The following DNAJB6 variants were observed in gnomAD, a reference collection of about 807,000 sequenced individuals.
The protein encoded by DNAJB6 is dnaJ homolog subfamily B member 6.
A neutral mutation model predicts 42.7 loss-of-function variants in DNAJB6; 16 were observed. That is an observed-to-expected ratio of 0.37 (90% CI 0.25 to 0.57). DNAJB6 has a LOEUF of 0.57. Ranked by LOEUF, DNAJB6 falls within the 20% of genes least tolerant of loss-of-function variation. DNAJB6 has a pLI of 0.74. For synonymous variants in DNAJB6, 170 were observed against 163.5 expected (o/e 1.04, Z -0.30); for missense variants, 347 against 416.8 (o/e 0.83, Z 1.46).
At chr7:157,413,431 A>G (rs1286374744) in intron 9 of DNAJB6, 1 of 152,250 alleles carries the variant, frequency 6.6e-6, no homozygotes, top group Non-Finnish European at 1.5e-5. Flanking sequence ...CCCTGCCCTC[A>G]GCTTTCAACA....
At chr7:157,340,809 C>G (rs1467413498) in intron 1 of DNAJB6, among the ~76,000 whole-genome samples, 2 of 152,142 alleles carry the variant, frequency 1.3e-5, no homozygotes, top group Admixed American at 1.3e-4. Flanking sequence ...GCTGGGATGA[C>G]AGGCGCGTGT....
chr7:157,404,917 G>T lies in DNAJB6; in HGVS notation c.692-4878G>T, dbSNP rs182145310. 2.5e-3 allele frequency among the ~76,000 whole-genome samples: 387 copies of T among 152,370 alleles called. 3 individuals are homozygous for T. The highest frequency in any genetic ancestry group is 8.5e-3 in the African/African-American group (354 of 41,584). On this transcript the variant is annotated intron_variant, in intron 8 of 9. Transcript: ENST00000262177. ...GCCTCCCAAAGTGCTGGGATGACAGGTGTGAGCCACTGTGCCAGCCTGTGC... is the reference window on the plus strand; with the variant it reads ...GCCTCCCAAAGTGCTGGGATGACAGTTGTGAGCCACTGTGCCAGCCTGTGC...
chr7:157,368,278 T>C (rs1333492441), intron 5 of DNAJB6, among the ~76,000 whole-genome samples: 1 of 152,212 alleles, frequency 6.6e-6, no homozygotes, highest in East Asian at 1.9e-4. Flanking sequence ...GAGACAGTGG[T>C]AAGGGCATGG....
chr7:157,362,086 G>A (rs1799630205), intron 2 of DNAJB6, among the ~76,000 whole-genome samples: 1 of 151,944 alleles, frequency 6.6e-6, no homozygotes, highest in South Asian at 2.1e-4. Flanking sequence ...TATTTAAATA[G>A]CGTGCAATTA....
At chr7:157,378,028 G>GT (rs1800557821) in intron 5 of DNAJB6, 1 of 152,160 alleles carries the variant, frequency 6.6e-6, no homozygotes, top group Non-Finnish European at 1.5e-5. Context: ...TTACATAAGA[G>GT]GATAAGAGAG....
At chr7:157,369,117 C>CT (rs1799985682) in intron 5 of DNAJB6, 2 of 368,622 alleles carry the variant, frequency 5.4e-6, no homozygotes, top group Non-Finnish European at 1.1e-5. Context: ...GCTGAGCAGG[C>CT]GATTTCCGAT....
intron 5 of DNAJB6, 141 bp from the exon 6 acceptor site, chr7:157,382,105 G>A (rs1800810554): frequency 2.4e-6 from 2 of 841,178 alleles, no homozygotes; most frequent in South Asian, 4.2e-5. Flanking sequence ...TTACTCTGTA[G>A]ATAAGCTCTT....
intron 8 of DNAJB6, among the ~76,000 whole-genome samples, chr7:157,387,774 T>G (rs7796643): frequency 0.56 from 85,648 of 151,694 alleles, 24,418 homozygotes; most frequent in East Asian, 0.75. Flanking sequence ...GAATCTTTCT[T>G]GTGAAAATTT....
intron 1 of DNAJB6, chr7:157,337,434 G>A (rs1422246697): frequency 6.6e-6 from 1 of 152,310 alleles, no homozygotes; most frequent in Non-Finnish European, 1.5e-5. Context: ...CCGCGGCGGC[G>A]GTTGGGGGTG....
At chr7:157,394,328 T>C (rs949533412) in intron 8 of DNAJB6, among the ~76,000 whole-genome samples, 1 of 152,252 alleles carries the variant, frequency 6.6e-6, no homozygotes, top group Non-Finnish European at 1.5e-5. Context: ...ACTGGATTTT[T>C]TTCTATCTTG....
At position 157,366,518 on chromosome 7, in the gene DNAJB6, C is replaced by T. The variant is rs1799853169; in HGVS notation, c.192C>T (p.Ile64=). The T allele has an allele frequency of 3.1e-6, 5 of 1,613,858 alleles. No homozygotes were observed. Among genetic ancestry groups the T allele is most frequent in the South Asian group, 1.1e-5 (1 of 91,060 alleles). Residue 64 remains isoleucine (I), a synonymous_variant, in exon 4 of 10, where the codon ATC becomes ATT. Coordinates refer to ENST00000262177, the MANE Select transcript of DNAJB6 (RefSeq NM_058246.4). ...AATTTTTAGCTAAGAAACGGGACAT[C>T]TATGACAAATATGGCAAAGAAGGAT... The part of the protein sequence containing the change: ...EVLSDAKKRD[I]YDKYGKEGLN...
chr7:157,345,286 G>A (rs923952166), intron 1 of DNAJB6, among the ~76,000 whole-genome samples: 3 of 152,074 alleles, frequency 2.0e-5, no homozygotes, highest in Non-Finnish European at 2.9e-5. Context: ...GAGCCACTGC[G>A]CCTGGCTTAA....
Position 157,361,843 on chromosome 7 carries a change from A to G in DNAJB6, c.66-1318A>G, listed in dbSNP as rs183582458. ...GAGTTCAGTGGCACGATGTTGGCTC[A>G]CTGCAACCTCTTTCTCCTGGGTTCA... On this transcript the variant is annotated intron_variant, in intron 2 of 9. Transcript: ENST00000262177. 1.2e-4 allele frequency among the ~76,000 whole-genome samples: 18 copies of G among 152,268 alleles called. No individual in the cohort carries two copies. In the Middle Eastern group the frequency reaches 0.01, roughly 86 times the overall value.
chr7:157,339,281 CTTTTTTTTTTTTTTT>C (rs34284253), intron 1 of DNAJB6, among the ~76,000 whole-genome samples: 92 of 68,296 alleles, frequency 1.3e-3, no homozygotes, highest in East Asian at 3.9e-3. Flanking sequence ...CTGTTTGCAC[CTTTTTTTTTTTTTTT>C]TTTTTTTTTT....
At chr7:157,361,549 G>T (rs896261665) in intron 2 of DNAJB6, among the ~76,000 whole-genome samples, 5 of 152,138 alleles carry the variant, frequency 3.3e-5, no homozygotes, top group African/African-American at 1.2e-4. Context: ...TTAAGCCAAG[G>T]TTTTGTTGAA....
intron 5 of DNAJB6, chr7:157,382,042 G>T: frequency 4.3e-6 from 2 of 468,362 alleles, no homozygotes; most frequent in Non-Finnish European, 7.4e-6. Context: ...ATGTATTGTA[G>T]TTTTAGTTGA....
chr7:157,343,832 T>C (rs1475615805), intron 1 of DNAJB6, among the ~76,000 whole-genome samples: 1 of 152,200 alleles, frequency 6.6e-6, no homozygotes, highest in Non-Finnish European at 1.5e-5. Flanking sequence ...TTAATGGCGA[T>C]TAGGCTAATT....
chr7:157,364,453 T>C (rs935914312), intron 3 of DNAJB6, among the ~76,000 whole-genome samples: 1 of 152,066 alleles, frequency 6.6e-6, no homozygotes, highest in African/African-American at 2.4e-5. Flanking sequence ...GGAAAGTTTA[T>C]TTTTTTTAAA....
At chr7:157,390,862 T>TTC in intron 8 of DNAJB6, among the ~76,000 whole-genome samples, 1 of 152,070 alleles carries the variant, frequency 6.6e-6, no homozygotes, top group Non-Finnish European at 1.5e-5. Context: ...TTTGGACCAG[T>TTC]TCTCTCTCTC....
Sources: allele counts gnomAD v4.1 joint callset (sites outside exome capture counted in the v4.1 genomes callset), GRCh38; gene constraint gnomAD v4.1.1; transcripts MANE v1.5; gene names NCBI Gene and HGNC (gene_info 2026-07-23, HGNC 2026-07-21).